ACSF2: variants seen among roughly 807,000 people sequenced by gnomAD.
ACSF2 encodes the protein acyl-CoA synthetase family member 2.
ACSF2 carries 52 observed loss-of-function variants against 79.3 expected under a neutral mutation model. The observed-to-expected ratio is 0.66, with a 90% CI of 0.53 to 0.83. The LOEUF (loss-of-function observed/expected upper bound fraction) is 0.83, where lower values mean the gene tolerates loss of function less well. Among genes scored for constraint, ACSF2 ranks in the 40% least tolerant of loss-of-function variants. The pLI, the probability that ACSF2 is intolerant of heterozygous loss-of-function variation, is 0.00. For missense variants in ACSF2, 661 were observed against 803.3 expected, an observed-to-expected ratio of 0.82 and a Z score of 2.14; for synonymous variants, 283 against 312.6, an observed-to-expected ratio of 0.91 and a Z score of 1.00.
chr17:50,442,325 A>ATTT (rs34855383), intron 1 of ACSF2, among the ~76,000 whole-genome samples: 4 of 117,268 alleles, frequency 3.4e-5, no homozygotes, highest in Non-Finnish European at 5.3e-5. Flanking sequence ...AAACAAAACA[A>ATTT]TTTTTTTTTT....
intron 10 of ACSF2, chr17:50,468,601 G>A (rs1228668257): frequency 1.2e-6 from 2 of 1,614,106 alleles, no homozygotes; most frequent in African/African-American, 2.7e-5. Flanking sequence ...GCATGGCCCG[G>A]AACGAATTGG....
intron 1 of ACSF2, among the ~76,000 whole-genome samples, chr17:50,434,650 C>T (rs1011200943): frequency 6.6e-6 from 1 of 152,002 alleles, no homozygotes; most frequent in Admixed American, 6.6e-5. Context: ...AGCACCACCT[C>T]ATTCCAGCCT....
intron 10 of ACSF2, chr17:50,465,189 G>C: frequency 7.3e-7 from 1 of 1,361,192 alleles, no homozygotes. Flanking sequence ...TAAAAATGGA[G>C]GGTCTGCCTG....
At position 50,474,395 on chromosome 17, in the gene ACSF2, GTT is replaced by G. The variant is rs2033255638; in HGVS notation, c.1798-105_1798-104del. 6.6e-7 allele frequency: 1 copy of G among 1,510,454 alleles called. No individual in the cohort carries two copies. The highest frequency in any genetic ancestry group is 1.7e-5 in the Admixed American group (1 of 58,716). The allele number at this position is 1,510,454 out of a possible 1,614,324, so 93.6% of individuals were successfully genotyped here. The stretch of plus-strand genomic sequence containing the variant: ...AGGGTGACCGGGTCACCTAATCCTG[GTT>G]TGCCTGGGGACTTTCCCTGTTTTGG... On this transcript the variant is annotated intron_variant, in intron 15 of 15. Coordinates refer to ENST00000300441, the MANE Select transcript of ACSF2 (RefSeq NM_025149.6). This position sits in a 1 kb window ranked among gnomAD's most constrained non-coding sequence, Gnocchi z 4.2.
rs895097387 is a variant in ACSF2, at chr17:50,474,535, C to T, written c.1831C>T (p.Arg611Ter). 19 of 1,614,076 alleles carry T rather than the reference C, an allele frequency of 1.2e-5. No individual in the cohort carries two copies. The highest frequency in any genetic ancestry group is 1.7e-5 in the Admixed American group (1 of 60,014). ...ATTCAAACTTCGAGAGCAGATGGAA[C>T]GACATCTAAATCTGTGAATAAAGCA... Reference protein sequence around the residue: ...QKFKLREQMERHLNL With the variant: ...QKFKLREQME Residue 611 changes from arginine (R) to a stop codon, truncating the protein, a stop_gained, in exon 16 of 16, where the codon CGA (arginine) becomes TGA (stop). Transcript: ENST00000300441. LOFTEE classifies it high-confidence loss of function. This position sits in a 1 kb window ranked among gnomAD's most constrained non-coding sequence, Gnocchi z 4.2.
intron 10 of ACSF2, chr17:50,464,672 T>C (rs1323194288): frequency 1.5e-5 from 7 of 461,778 alleles, no homozygotes; most frequent in Admixed American, 1.4e-4. Context: ...AAGGATCTGA[T>C]GATTGTTTCC....
At chr17:50,426,764 T>C in intron 1 of ACSF2, 1 of 898,504 alleles carries the variant, frequency 1.1e-6, no homozygotes. Flanking sequence ...AACCCCTTCA[T>C]GGGCAAACTT....
chr17:50,471,563 C>T lies in ACSF2; in HGVS notation c.1323+428C>T, dbSNP rs2143804754. On this transcript the variant is annotated intron_variant, in intron 11 of 15. Coordinates refer to ENST00000300441, the MANE Select transcript of ACSF2 (RefSeq NM_025149.6). The surrounding 1 kb of genome is among the most constrained non-coding windows in gnomAD (Gnocchi z 4.1). ...GTAAACACTTCATTTCCCAAGCAGC[C>T]TATCCCTTTGGGGCGGTCCCTTTGC... 1 of 206,030 alleles carries T rather than the reference C, an allele frequency of 4.9e-6. No homozygotes were observed. The highest frequency in any genetic ancestry group is 1.0e-5 in the Non-Finnish European group (1 of 99,204). The allele number at this position is 206,030 out of a possible 1,614,324, so 12.8% of individuals were successfully genotyped here. A position where few individuals can be genotyped will look rare whatever the true frequency, so the allele number is the denominator to read the frequency against.
chr17:50,462,992 T>A, intron 6 of ACSF2, 164 bp from the exon 7 acceptor site: 1 of 655,144 alleles, frequency 1.5e-6, no homozygotes, highest in Non-Finnish European at 2.7e-6. Context: ...TGCTGGACCC[T>A]GACACCTGGT....
At chr17:50,428,445 A>C (rs1208101180) in intron 1 of ACSF2, among the ~76,000 whole-genome samples, 1 of 151,216 alleles carries the variant, frequency 6.6e-6, no homozygotes, top group East Asian at 1.9e-4. Flanking sequence ...GCACCTCTGC[A>C]CTCCAGCCTG....
intron 1 of ACSF2, among the ~76,000 whole-genome samples, chr17:50,431,423 G>T (rs903808441): frequency 1.3e-5 from 2 of 152,214 alleles, no homozygotes; most frequent in Non-Finnish European, 2.9e-5. Context: ...AATCTGGTTT[G>T]TGGAAATGGG....
In ACSF2 at chr17:50,473,950, G is replaced by A. The variant is rs778315536; in HGVS notation, c.1674G>A (p.Leu558=). The A allele has an allele frequency of 1.3e-6, 2 of 1,555,490 alleles. No homozygotes were observed. Among genetic ancestry groups the A allele is most frequent in the African/African-American group, 1.4e-5 (1 of 73,516 alleles). Residue 558 remains leucine (L), a synonymous_variant, in exon 14 of 16, where the codon CTG becomes CTA. Transcript: ENST00000300441. ...MGEEICACIR[L]KDGEETTVEE... is the part of the protein sequence containing the mutation. ...AAGAGATTTGTGCCTGCATTCGGCT[G>A]AAGGACGGGGAGGAGACCACGGTGG...
intron 10 of ACSF2, among the ~76,000 whole-genome samples, chr17:50,470,615 T>G (rs75860684): frequency 0.026 from 4,017 of 152,004 alleles, 194 homozygotes; most frequent in African/African-American, 0.091. Context: ...TTATGGGGCC[T>G]TCAGCTTGGA....
At chr17:50,442,363 A>ATAT (rs1446981834) in intron 1 of ACSF2, among the ~76,000 whole-genome samples, 89 of 141,948 alleles carry the variant, frequency 6.3e-4, no homozygotes, top group African/African-American at 2.2e-3. Context: ...TGGGTCTGCT[A>ATAT]TATTGCCCAG....
chr17:50,471,357 T>C lies in ACSF2; in HGVS notation c.1323+222T>C, dbSNP rs568523714. 1.1e-5 allele frequency: 6 copies of C among 543,634 alleles called. No individual in the cohort carries two copies. The East Asian group carries it at 1.5e-4, about 14-fold the overall frequency. 33.7% of individuals were successfully genotyped at this position (543,634 alleles called of 1,614,324 possible). A position where few individuals can be genotyped will look rare whatever the true frequency, so the allele number is the denominator to read the frequency against. ...ACAGTGGCTGTGAGCGGCTGCCAGC[T>C]GAACTTCTCCGCGGCCTCCCTTCCT... is the stretch of plus-strand genomic sequence containing the variant. On this transcript the variant is annotated intron_variant, in intron 11 of 15. Coordinates refer to ENST00000300441, the MANE Select transcript of ACSF2 (RefSeq NM_025149.6). This position sits in a 1 kb window ranked among gnomAD's most constrained non-coding sequence, Gnocchi z 4.1.
chr17:50,464,774 G>A lies in ACSF2; in HGVS notation c.1215+480G>A. ...TGTTGTGGTTCTGATTGACTTGGGG[G>A]GGGGGTCTCAGCAACAGCTTCTCCA... On this transcript the variant is annotated intron_variant, in intron 10 of 15. Transcript: ENST00000300441. 2 of 333,128 alleles carry A rather than the reference G, an allele frequency of 6.0e-6. 1 individual carries two copies. The highest frequency in any genetic ancestry group is 1.2e-5 in the Non-Finnish European group (2 of 169,560). The allele number at this position is 333,128 out of a possible 1,614,324, so 20.6% of individuals were successfully genotyped here. A position where few individuals can be genotyped will look rare whatever the true frequency, so the allele number is the denominator to read the frequency against.
chr17:50,454,235 C>T (rs116974197), intron 1 of ACSF2, among the ~76,000 whole-genome samples: 12,483 of 145,842 alleles, frequency 0.086, 716 homozygotes, highest in Middle Eastern at 0.14. Flanking sequence ...TGGTCTCAAA[C>T]TCCTGGGCTT....
At chr17:50,437,442 G>C (rs574819570) in intron 1 of ACSF2, among the ~76,000 whole-genome samples, 19 of 152,258 alleles carry the variant, frequency 1.2e-4, no homozygotes, top group African/African-American at 4.1e-4. Flanking sequence ...TTGAGGCCAG[G>C]AGTTTGAGAC....
chr17:50,463,669 G>C lies in ACSF2; in HGVS notation c.1046+117G>C. ...CTCCAGCCAGGAGACTGAGGATGGG[G>C]ACAGTGGAGGACCCCCAGGAGAGGA... On this transcript the variant is annotated intron_variant, in intron 8 of 15. Transcript: ENST00000300441. This position sits in a 1 kb window ranked among gnomAD's most constrained non-coding sequence, Gnocchi z 4.6. 6.6e-7 allele frequency: 1 copy of C among 1,509,652 alleles called. No homozygotes were observed. The highest frequency in any genetic ancestry group is 1.2e-5 in the South Asian group (1 of 80,136). The allele number at this position is 1,509,652 out of a possible 1,614,324, so 93.5% of individuals were successfully genotyped here.
Sources: allele counts gnomAD v4.1 joint callset (sites outside exome capture counted in the v4.1 genomes callset), GRCh38; gene constraint gnomAD v4.1.1; non-coding constraint Gnocchi (gnomAD v3.1); transcripts MANE v1.5; gene names NCBI Gene and HGNC (gene_info 2026-07-23, HGNC 2026-07-21).